The following EPN1 variants were observed in gnomAD, a reference collection of about 807,000 sequenced individuals.
EPN1 encodes epsin-1.
In EPN1, 25 loss-of-function variants were observed where a neutral mutation model predicts 56.9. The ratio of observed to expected loss-of-function variants is 0.44; its 90% confidence interval spans 0.32 to 0.61. EPN1 has a LOEUF of 0.61. Among genes scored for constraint, EPN1 ranks in the 20% least tolerant of loss-of-function variants. The pLI, the probability that EPN1 is intolerant of heterozygous loss-of-function variation, is 0.05. For synonymous variants in EPN1, 411 were observed against 361.8 expected (o/e 1.14, Z -1.54); for missense variants, 785 against 823.7 (o/e 0.95, Z 0.58).
Position 55,707,959 on chromosome 19 carries a change from A to G in EPN1, c.*12603A>G, listed in dbSNP as rs1987510821. On this transcript the variant is annotated 3_prime_UTR_variant, in exon 11 of 11. Transcript: ENST00000270460. Reference sequence around the variant, plus strand: ...CTCCTGGCCTATGCCAGCATTCTTTAAAGTTGTGGGAAAAGGCCAAAAGCA... The same window carrying G: ...CTCCTGGCCTATGCCAGCATTCTTTGAAGTTGTGGGAAAAGGCCAAAAGCA... 6.6e-6 allele frequency: 1 copy of G among 152,576 alleles called. No individual in the cohort carries two copies. Among genetic ancestry groups the G allele is most frequent in the African/African-American group, 2.4e-5 (1 of 41,484 alleles). 9.5% of individuals were successfully genotyped at this position (152,576 alleles called of 1,614,324 possible). A position where few individuals can be genotyped will look rare whatever the true frequency, so the allele number is the denominator to read the frequency against.
intron 1 of EPN1, chr19:55,677,478 C>A: frequency 2.4e-6 from 2 of 831,954 alleles, no homozygotes; most frequent in South Asian, 1.7e-5. Context: ...TTTTGGAGTT[C>A]AGGTGGGCCT....
intron 2 of EPN1, among the ~76,000 whole-genome samples, chr19:55,684,381 C>T (rs991121079): frequency 6.6e-6 from 1 of 152,134 alleles, no homozygotes; most frequent in Admixed American, 6.5e-5. Flanking sequence ...ACACCCCCTG[C>T]AGAGCCTTAA....
rs765452418 is a variant in EPN1 at position 55,694,687 on chromosome 19, T to A, written c.1265-39T>A. 2 of 1,523,540 alleles carry A rather than the reference T, an allele frequency of 1.3e-6. No homozygotes were observed. The highest frequency in any genetic ancestry group is 2.8e-5 in the African/African-American group (2 of 72,174). 94.4% of individuals were successfully genotyped at this position (1,523,540 alleles called of 1,614,324 possible). On this transcript the variant is annotated intron_variant, in intron 9 of 10. Transcript: ENST00000270460. This position sits in a 1 kb window ranked among gnomAD's most constrained non-coding sequence, Gnocchi z 4.2. Reference sequence around the variant, plus strand: ...TGCTCCCGGGTTGGAGCCTCACTGCTGTCTGCCCTGTCTGAGCCCCTCTCC... The same window carrying A: ...TGCTCCCGGGTTGGAGCCTCACTGCAGTCTGCCCTGTCTGAGCCCCTCTCC...
rs1220978281 is a variant in EPN1 at position 55,697,045 on chromosome 19, T to TC, written c.*1694dup. On this transcript the variant is annotated 3_prime_UTR_variant, in exon 11 of 11. Transcript: ENST00000270460. ...TTCCAGATTCAGTTGCAGAGGAGCA[T>TC]CCCCCTTGCTTAGCCAGGGAGGGGA... is the stretch of plus-strand genomic sequence containing the variant. 6.6e-6 allele frequency: 1 copy of TC among 152,068 alleles called. No homozygotes were observed. The highest frequency in any genetic ancestry group is 1.5e-5 in the Non-Finnish European group (1 of 68,026). 9.4% of individuals were successfully genotyped at this position (152,068 alleles called of 1,614,324 possible).
intron 2 of EPN1, 123 bp downstream of exon 2, chr19:55,678,978 A>T: frequency 1.5e-6 from 1 of 670,070 alleles, no homozygotes. Flanking sequence ...GAAGAGTAAA[A>T]TCTCTCTTTT....
At position 55,705,365 on chromosome 19, in the gene EPN1, A is replaced by AC. The variant is rs1434272251; in HGVS notation, c.*10010dup. The AC allele has an allele frequency of 6.6e-6, 1 of 152,196 alleles. No homozygotes were observed. 9.4% of individuals were successfully genotyped at this position (152,196 alleles called of 1,614,324 possible). On this transcript the variant is annotated 3_prime_UTR_variant, in exon 11 of 11. Coordinates refer to ENST00000270460, the MANE Select transcript of EPN1 (RefSeq NM_001130072.2). ...ATACAGAATCCAGAGCCACTACAAC[A>AC]CATTTCATGAAGTGGCGTGAGCCTG...
rs1568589624 is a variant in EPN1, at chr19:55,709,125, C to T, written c.*13769C>T. On this transcript the variant is annotated 3_prime_UTR_variant, in exon 11 of 11. Coordinates refer to ENST00000270460, the MANE Select transcript of EPN1 (RefSeq NM_001130072.2). ...CCTCTCTACATTCTGATGTCTACCT[C>T]TCCTCTCCTCTTTATTCTTTCCTAG... 4.4e-6 allele frequency: 4 copies of T among 916,594 alleles called. No homozygotes were observed. The highest frequency in any genetic ancestry group is 2.7e-4 in the Middle Eastern group (1 of 3,642). 56.8% of individuals were successfully genotyped at this position (916,594 alleles called of 1,614,324 possible).
rs988461242 is a variant in EPN1 at position 55,703,042 on chromosome 19, C to T, written c.*7686C>T. On this transcript the variant is annotated 3_prime_UTR_variant, in exon 11 of 11. Transcript: ENST00000270460. ...TCTCAATCTGACCTTGTGATTCCGCCCACCTCGGCCTCCCAAAGTGCTGGG... is the reference window on the plus strand; with the variant it reads ...TCTCAATCTGACCTTGTGATTCCGCTCACCTCGGCCTCCCAAAGTGCTGGG... The T allele has an allele frequency of 1.3e-5, 2 of 152,244 alleles. No homozygotes were observed. Among genetic ancestry groups the T allele is most frequent in the Non-Finnish European group, 2.9e-5 (2 of 68,146 alleles). 9.4% of individuals were successfully genotyped at this position (152,244 alleles called of 1,614,324 possible).
chr19:55,709,246 A>C lies in EPN1; in HGVS notation c.*13890A>C, dbSNP rs186622239. On this transcript the variant is annotated 3_prime_UTR_variant, in exon 11 of 11. Coordinates refer to ENST00000270460, the MANE Select transcript of EPN1 (RefSeq NM_001130072.2). ...GATTTATACCATAAAGTGAAATTTC[A>C]TATACAGGATGTATCAATTAAGATT... 16 of 379,172 alleles carry C rather than the reference A, an allele frequency of 4.2e-5. No individual in the cohort carries two copies. Among genetic ancestry groups the C allele is most frequent in the Non-Finnish European group, 7.5e-5 (16 of 213,904 alleles). The allele number at this position is 379,172 out of a possible 1,614,324, so 23.5% of individuals were successfully genotyped here. A position where few individuals can be genotyped will look rare whatever the true frequency, so the allele number is the denominator to read the frequency against.
Position 55,689,776 on chromosome 19 carries a change from T to C in EPN1, c.679-91T>C. ...AATCCTTCAGCCGCTTTCGTTGGGG[T>C]GGGAGGGGTTGCTGGGGCTTCCAGG... On this transcript the variant is annotated intron_variant, in intron 5 of 10. Transcript: ENST00000270460. The surrounding 1 kb of genome is among the most constrained non-coding windows in gnomAD (Gnocchi z 5.7). 8.5e-7 allele frequency: 1 copy of C among 1,174,790 alleles called. No homozygotes were observed. Among genetic ancestry groups the C allele is most frequent in the Non-Finnish European group, 1.2e-6 (1 of 808,888 alleles). The allele number at this position is 1,174,790 out of a possible 1,614,324, so 72.8% of individuals were successfully genotyped here.
chr19:55,708,837 A>T lies in EPN1; in HGVS notation c.*13481A>T. The T allele has an allele frequency of 9.7e-7, 1 of 1,028,654 alleles. No individual in the cohort carries two copies. The highest frequency in any genetic ancestry group is 1.4e-6 in the Non-Finnish European group (1 of 719,504). The allele number at this position is 1,028,654 out of a possible 1,614,324, so 63.7% of individuals were successfully genotyped here. A position where few individuals can be genotyped will look rare whatever the true frequency, so the allele number is the denominator to read the frequency against. On this transcript the variant is annotated 3_prime_UTR_variant, in exon 11 of 11. Transcript: ENST00000270460. ...TGCTGCCATGATGTGCAATTACAGGATAGAGGTGCCAGGTGAAGGTCCCAC... is the reference window on the plus strand; with the variant it reads ...TGCTGCCATGATGTGCAATTACAGGTTAGAGGTGCCAGGTGAAGGTCCCAC...
At chr19:55,686,827 C>G (rs575924229) in intron 3 of EPN1, among the ~76,000 whole-genome samples, 1 of 144,692 alleles carries the variant, frequency 6.9e-6, no homozygotes, top group East Asian at 2.2e-4. Flanking sequence ...AGGTGGGTGG[C>G]GGGGTTGGGG....
chr19:55,681,035 G>A (rs1985783065), intron 2 of EPN1, among the ~76,000 whole-genome samples: 1 of 152,240 alleles, frequency 6.6e-6, no homozygotes, highest in African/African-American at 2.4e-5. Flanking sequence ...GCCGAGGCTC[G>A]TGGGGGAGCT....
chr19:55,688,957 A>C lies in EPN1; in HGVS notation c.566A>C (p.Gln189Pro), dbSNP rs1377140308. The change falls in exon 4 of 11, where the codon CAG (glutamine) becomes CCG (proline). Residue 189 changes from glutamine to proline, a missense_variant. By Grantham distance (76) the Gln-to-Pro change is moderately conservative. Around this residue, in one of 2 missense-constraint regions of EPN1, gnomAD observed 650 missense variants for 605.0 expected, o/e 1.07. Coordinates refer to ENST00000270460, the MANE Select transcript of EPN1 (RefSeq NM_001130072.2). Reference sequence around the variant, plus strand: ...AGCGGGGAGGAGGAGCTGCAGCTCCAGCTGGCCCTGGCCATGAGCAAGGAG... The same window carrying C: ...AGCGGGGAGGAGGAGCTGCAGCTCCCGCTGGCCCTGGCCATGAGCAAGGAG... ...QSSGEEELQLQLALAMSKEEA... is the reference protein window; with the variant it reads ...QSSGEEELQLPLALAMSKEEA... 1 of 1,601,630 alleles carries C rather than the reference A, an allele frequency of 6.2e-7. No individual in the cohort carries two copies. Among genetic ancestry groups the C allele is most frequent in the African/African-American group, 1.3e-5 (1 of 74,778 alleles).
Position 55,703,973 on chromosome 19 carries a change from TC to T in EPN1, c.*8619del, listed in dbSNP as rs879532033. On this transcript the variant is annotated 3_prime_UTR_variant, in exon 11 of 11. Coordinates refer to ENST00000270460, the MANE Select transcript of EPN1 (RefSeq NM_001130072.2). ...GGATCCCGTGCGCGCTTGTGCTCCT[TC>T]CTTCTGGGCCAGCGCGCAGACTATC... 2.7e-5 allele frequency: 4 copies of T among 147,248 alleles called. No homozygotes were observed. Among genetic ancestry groups the T allele is most frequent in the Non-Finnish European group, 6.2e-5 (4 of 64,578 alleles). 9.1% of individuals were successfully genotyped at this position (147,248 alleles called of 1,614,324 possible).
rs1424949242 is a variant in EPN1 at position 55,703,431 on chromosome 19, C to T, written c.*8075C>T. 6.6e-6 allele frequency: 1 copy of T among 152,314 alleles called. No homozygotes were observed. Among genetic ancestry groups the T allele is most frequent in the Non-Finnish European group, 1.5e-5 (1 of 68,136 alleles). 9.4% of individuals were successfully genotyped at this position (152,314 alleles called of 1,614,324 possible). A position where few individuals can be genotyped will look rare whatever the true frequency, so the allele number is the denominator to read the frequency against. On this transcript the variant is annotated 3_prime_UTR_variant, in exon 11 of 11. Coordinates refer to ENST00000270460, the MANE Select transcript of EPN1 (RefSeq NM_001130072.2). ...CTCTGCCTCCCGGGTTTAAGCGATT[C>T]TCCTGCTTCAGCCTCTCAAGTAGCT... is the stretch of plus-strand genomic sequence containing the variant.
intron 3 of EPN1, among the ~76,000 whole-genome samples, chr19:55,686,971 TG>T (rs1421266955): frequency 6.6e-6 from 1 of 151,864 alleles, no homozygotes; most frequent in Non-Finnish European, 1.5e-5. Context: ...TCTGCGTTGC[TG>T]GCCACGCCTT....
intron 2 of EPN1, 73 bp from the exon 3 acceptor site, chr19:55,685,323 C>T: frequency 6.5e-7 from 1 of 1,539,742 alleles, no homozygotes; most frequent in Non-Finnish European, 8.7e-7. Context: ...CGCCCCAGAG[C>T]CCGCGTCGCA....
In EPN1 at chr19:55,702,336, A is replaced by G. The variant is rs1285088096; in HGVS notation, c.*6980A>G. 1 of 152,250 alleles carries G rather than the reference A, an allele frequency of 6.6e-6. No individual in the cohort carries two copies. The highest frequency in any genetic ancestry group is 2.4e-5 in the African/African-American group (1 of 41,424). The allele number at this position is 152,250 out of a possible 1,614,324, so 9.4% of individuals were successfully genotyped here. On this transcript the variant is annotated 3_prime_UTR_variant, in exon 11 of 11. Coordinates refer to ENST00000270460, the MANE Select transcript of EPN1 (RefSeq NM_001130072.2). Reference sequence around the variant, plus strand: ...GCGCTGCTGCTTATCTGTGTGTGCTAAAAGGGGAGGGAGTGTTTCTGTGCC... The same window carrying G: ...GCGCTGCTGCTTATCTGTGTGTGCTGAAAGGGGAGGGAGTGTTTCTGTGCC...
Sources: allele counts gnomAD v4.1 joint callset (sites outside exome capture counted in the v4.1 genomes callset), GRCh38; gene constraint gnomAD v4.1.1; regional missense constraint gnomAD v4.1.1; non-coding constraint Gnocchi (gnomAD v3.1); transcripts MANE v1.5; gene names NCBI Gene and HGNC (gene_info 2026-07-23, HGNC 2026-07-21).